The following MPPED1 variants were observed in gnomAD, a reference collection of about 807,000 sequenced individuals.
MPPED1 encodes the protein metallophosphoesterase domain containing 1.
MPPED1 carries 16 observed loss-of-function variants against 36.2 expected under a neutral mutation model. The ratio of observed to expected loss-of-function variants is 0.44; its 90% CI spans 0.30 to 0.67. The LOEUF (loss-of-function observed/expected upper bound fraction) is 0.67. MPPED1 is among the 30% of genes least tolerant of loss of function. The probability of loss-of-function intolerance (pLI) is 0.10; values close to 1 mark genes in which losing one functional copy is unlikely to be tolerated. For synonymous variants in MPPED1, 199 were observed against 191.3 expected (o/e 1.04, Z -0.33); for missense variants, 307 against 453.4 (o/e 0.68, Z 2.93).
chr22:43,458,912 T>A (rs987300802), intron 3 of MPPED1, among the ~76,000 whole-genome samples: 1 of 152,314 alleles, frequency 6.6e-6, no homozygotes, highest in South Asian at 2.1e-4. Flanking sequence ...TATTTGTGTG[T>A]GATGAGTGAT....
chr22:43,493,072 C>A (rs1316815184), intron 4 of MPPED1, among the ~76,000 whole-genome samples: 1 of 152,186 alleles, frequency 6.6e-6, no homozygotes, highest in Non-Finnish European at 1.5e-5. Context: ...CCCCAAATAA[C>A]CAGTGTGGCC....
At chr22:43,432,419 G>GA (rs1929734181) in intron 2 of MPPED1, among the ~76,000 whole-genome samples, 1 of 126,336 alleles carries the variant, frequency 7.9e-6, no homozygotes, top group Non-Finnish European at 1.6e-5. Context: ...GATAAAGGGA[G>GA]GAGAGAGAAA....
At chr22:43,436,309 G>A (rs1034963898) in intron 3 of MPPED1, among the ~76,000 whole-genome samples, 1 of 152,164 alleles carries the variant, frequency 6.6e-6, no homozygotes, top group Non-Finnish European at 1.5e-5. Context: ...GCAGCCCCAC[G>A]TGGCTGCCAG....
chr22:43,465,958 C>T (rs1346948022), intron 3 of MPPED1, among the ~76,000 whole-genome samples: 1 of 152,182 alleles, frequency 6.6e-6, no homozygotes, highest in East Asian at 1.9e-4. Flanking sequence ...ACTGCGACTT[C>T]TGAGGAGGTT....
rs7289011 is a variant in MPPED1, at chr22:43,465,517, C to A, written c.407-9219C>A. 1.1e-3 allele frequency among the ~76,000 whole-genome samples: 170 copies of A among 152,252 alleles called. 1 individual carries two copies. The highest frequency in any genetic ancestry group is 2.4e-3 in the Admixed American group (36 of 15,302). On this transcript the variant is annotated intron_variant, in intron 3 of 6. Transcript: ENST00000443721. ...ACCGAGCCCCGTGCTGGCGGTAGAG[C>A]GCTGAACAAGGCAGGGGCCTCGAAG...
chr22:43,449,009 C>T (rs1930463500), intron 3 of MPPED1, among the ~76,000 whole-genome samples: 1 of 151,914 alleles, frequency 6.6e-6, no homozygotes, highest in African/African-American at 2.4e-5. Flanking sequence ...GCAAATTCTT[C>T]GTTTCCAAGA....
At chr22:43,431,930 T>C (rs1929701442) in intron 2 of MPPED1, among the ~76,000 whole-genome samples, 1 of 152,098 alleles carries the variant, frequency 6.6e-6, no homozygotes, top group Admixed American at 6.5e-5. Context: ...CAGGGAAATA[T>C]GAGTGGAGTT....
At chr22:43,477,904 A>T (rs541933094) in intron 4 of MPPED1, among the ~76,000 whole-genome samples, 5 of 152,124 alleles carry the variant, frequency 3.3e-5, no homozygotes, top group African/African-American at 1.2e-4. Context: ...GGGGGTTGTG[A>T]GGTCTGCTTG....
chr22:43,482,666 A>G (rs1425768412), intron 4 of MPPED1, among the ~76,000 whole-genome samples: 1 of 152,180 alleles, frequency 6.6e-6, no homozygotes, highest in Admixed American at 6.5e-5. Context: ...TGCTTGGCAC[A>G]TGGTGGGCAT....
chr22:43,487,461 C>T (rs147311460), intron 4 of MPPED1, among the ~76,000 whole-genome samples: 2 of 152,298 alleles, frequency 1.3e-5, no homozygotes, highest in Admixed American at 6.5e-5. Flanking sequence ...CCTAAAGCCC[C>T]GTGTGCCACG....
chr22:43,435,556 A>C (rs965646561), intron 3 of MPPED1, among the ~76,000 whole-genome samples: 1 of 152,098 alleles, frequency 6.6e-6, no homozygotes, highest in Non-Finnish European at 1.5e-5. Flanking sequence ...TAGGGCCTCA[A>C]TAAATAATTG....
intron 3 of MPPED1, among the ~76,000 whole-genome samples, chr22:43,466,970 T>C (rs2146875701): frequency 6.6e-6 from 1 of 152,342 alleles, no homozygotes; most frequent in East Asian, 1.9e-4. Flanking sequence ...GTGACAGCCA[T>C]TTCTGTGTCC....
intron 4 of MPPED1, among the ~76,000 whole-genome samples, chr22:43,485,655 AAGGCCCCTC>A (rs1820006057): frequency 6.6e-6 from 1 of 152,182 alleles, no homozygotes; most frequent in Non-Finnish European, 1.5e-5. Context: ...TCCTTTCTAG[AAGGCCCCTC>A]AACACACGTG....
In MPPED1 at chr22:43,502,869, G is replaced by T; in HGVS notation, c.862+112G>T. The T allele has an allele frequency of 1.1e-6, 1 of 882,700 alleles. No homozygotes were observed. The highest frequency in any genetic ancestry group is 2.2e-4 in the Middle Eastern group (1 of 4,612). 54.7% of individuals were successfully genotyped at this position (882,700 alleles called of 1,614,324 possible). On this transcript the variant is annotated intron_variant, in intron 6 of 6. Coordinates refer to ENST00000443721, the MANE Select transcript of MPPED1 (RefSeq NM_001044370.2). The surrounding 1 kb of genome is among the most constrained non-coding windows in gnomAD (Gnocchi z 5.5). ...GGGAAATAAATAGCCCATTCCTACT[G>T]TTCGCTTTGTAACTGCTAACTGCCA...
intron 1 of MPPED1, chr22:43,416,784 T>C (rs754391626): frequency 6.4e-6 from 1 of 155,308 alleles, no homozygotes; most frequent in Admixed American, 6.5e-5. Flanking sequence ...ATCTGCTAGA[T>C]GGATATAGAA....
intron 3 of MPPED1, among the ~76,000 whole-genome samples, chr22:43,438,423 G>A (rs1321432615): frequency 2.0e-5 from 3 of 152,194 alleles, no homozygotes; most frequent in African/African-American, 7.2e-5. Context: ...AAGCAGGGCA[G>A]TGGGGCAGGC....
At chr22:43,492,814 G>A (rs1054538107) in intron 4 of MPPED1, among the ~76,000 whole-genome samples, 7 of 152,164 alleles carry the variant, frequency 4.6e-5, no homozygotes, top group African/African-American at 1.7e-4. Context: ...CTGGGGAGGT[G>A]GTGGTCTGGT....
chr22:43,414,944 G>A (rs999397263), intron 1 of MPPED1, among the ~76,000 whole-genome samples: 6 of 152,112 alleles, frequency 3.9e-5, no homozygotes, highest in Non-Finnish European at 7.4e-5. Flanking sequence ...TGGCACCTCC[G>A]ATAAGAGGTA....
intron 1 of MPPED1, among the ~76,000 whole-genome samples, chr22:43,414,958 G>A (rs1180349575): frequency 6.6e-6 from 1 of 152,100 alleles, no homozygotes; most frequent in Admixed American, 6.5e-5. Context: ...AGAGGTAGGG[G>A]CCTTCCTTCT....
Sources: gnomAD v4.1 joint callset for allele counts (sites outside exome capture counted in the v4.1 genomes callset) on GRCh38, gnomAD v4.1.1 for gene constraint, Gnocchi (gnomAD v3.1) non-coding constraint, MANE v1.5 for transcripts, NCBI Gene and HGNC (gene_info 2026-07-23, HGNC 2026-07-21) for gene names.